Variants in DLGAP1 observed in about 807,000 individuals in gnomAD.
The protein encoded by DLGAP1 is DLG associated protein 1.
Under a neutral mutation model 90.8 loss-of-function variants are expected in DLGAP1, and 11 were observed. The ratio of observed to expected loss-of-function variants is 0.12; its 90% CI spans 0.08 to 0.20. The LOEUF (loss-of-function observed/expected upper bound fraction) is 0.20, where lower values mean the gene tolerates loss of function less well. Ranked by LOEUF, DLGAP1 falls within the 10% of genes least tolerant of loss-of-function variation. DLGAP1 has a pLI of 1.00. For missense variants in DLGAP1, 1,050 were observed against 1,333.8 expected (o/e 0.79, Z 3.31); for synonymous variants, 558 against 540.7 (o/e 1.03, Z -0.44).
At chr18:3,700,608 T>TTA (rs1567982134) in intron 7 of DLGAP1, among the ~76,000 whole-genome samples, 1 of 152,140 alleles carries the variant, frequency 6.6e-6, no homozygotes, top group African/African-American at 2.4e-5. Context: ...TTTATTTTTT[T>TTA]AAAATTTTAA....
intron 1 of DLGAP1, among the ~76,000 whole-genome samples, chr18:4,223,081 C>A (rs1263325012): frequency 6.6e-6 from 1 of 152,014 alleles, no homozygotes; most frequent in Non-Finnish European, 1.5e-5. Flanking sequence ...CATAGCAAGA[C>A]CCCTGTCTCT....
At chr18:4,422,117 T>C (rs1353737790) in intron 1 of DLGAP1, among the ~76,000 whole-genome samples, 1 of 152,036 alleles carries the variant, frequency 6.6e-6, no homozygotes, top group Non-Finnish European at 1.5e-5. Flanking sequence ...TCTTTTTTAT[T>C]TGAAAAGAAA....
chr18:3,990,232 C>A (rs1194246911), intron 3 of DLGAP1, among the ~76,000 whole-genome samples: 2 of 151,556 alleles, frequency 1.3e-5, no homozygotes, highest in Non-Finnish European at 3.0e-5. Context: ...TGGAACCAAC[C>A]CAAATGTCCA....
intron 2 of DLGAP1, among the ~76,000 whole-genome samples, chr18:4,029,765 C>T (rs1204975408): frequency 6.6e-6 from 1 of 152,138 alleles, no homozygotes; most frequent in Non-Finnish European, 1.5e-5. Context: ...AGGTTCTTCC[C>T]TTAAATTCAA....
intron 1 of DLGAP1, among the ~76,000 whole-genome samples, chr18:4,344,343 G>C (rs1429826001): frequency 6.6e-6 from 1 of 152,120 alleles, no homozygotes; most frequent in Admixed American, 6.5e-5. Flanking sequence ...CGCGATGCTA[G>C]AAAGTGGCAG....
intron 3 of DLGAP1, among the ~76,000 whole-genome samples, chr18:3,965,923 C>T (rs148708320): frequency 1.2e-4 from 15 of 121,048 alleles, no homozygotes; most frequent in African/African-American, 4.1e-4. Context: ...ACTGGGCGAC[C>T]GGGTAAGACT....
intron 5 of DLGAP1, among the ~76,000 whole-genome samples, chr18:3,761,840 C>T (rs747477530): frequency 3.3e-5 from 5 of 152,200 alleles, no homozygotes; most frequent in African/African-American, 4.8e-5. Context: ...TCCCAAAGTG[C>T]TAGGATTACA....
intron 3 of DLGAP1, among the ~76,000 whole-genome samples, chr18:3,890,086 C>T (rs936745068): frequency 7.9e-5 from 12 of 152,222 alleles, no homozygotes; most frequent in African/African-American, 2.9e-4. Context: ...AGGGGACCCT[C>T]CTGCCCAGTG....
chr18:4,335,353 GA>G (rs2081047577), intron 1 of DLGAP1, among the ~76,000 whole-genome samples: 1 of 151,924 alleles, frequency 6.6e-6, no homozygotes, highest in Non-Finnish European at 1.5e-5. Context: ...CTACACGAGA[GA>G]AAAGACAAGG....
chr18:3,723,023 T>G (rs937979340), intron 7 of DLGAP1, among the ~76,000 whole-genome samples: 2 of 152,222 alleles, frequency 1.3e-5, no homozygotes, highest in Non-Finnish European at 2.9e-5. Context: ...ACTTTGGGCC[T>G]TAGTTTCCTT....
chr18:3,696,658 C>CT (rs1555632115), intron 7 of DLGAP1, among the ~76,000 whole-genome samples: 1 of 152,038 alleles, frequency 6.6e-6, no homozygotes, highest in Non-Finnish European at 1.5e-5. Flanking sequence ...CTGAAATTTT[C>CT]TTTTTTTGTT....
At chr18:3,815,901 AAC>A (rs1451923341) in intron 4 of DLGAP1, among the ~76,000 whole-genome samples, 4 of 152,212 alleles carry the variant, frequency 2.6e-5, no homozygotes, top group African/African-American at 9.6e-5. Context: ...ACATATTTAT[AAC>A]AGAGACGAGA....
At position 4,348,322 on chromosome 18, in the gene DLGAP1, C is replaced by T. The variant is rs561042310; in HGVS notation, c.-267+106684G>A. Among the ~76,000 whole-genome samples, 7 of 151,164 alleles carry T rather than the reference C, an allele frequency of 4.6e-5. No homozygotes were observed. The South Asian group carries it at 8.3e-4, about 18-fold the overall frequency. On this transcript the variant is annotated intron_variant, in intron 1 of 12. Transcript: ENST00000315677. ...TTCTCAATGTTAAAAAGAGGAGTTA[C>T]AAGTAATGGAAGGGATTTGGCTAGA...
chr18:3,714,638 GGTT>G (rs1231742108), intron 7 of DLGAP1, among the ~76,000 whole-genome samples: 6 of 125,794 alleles, frequency 4.8e-5, no homozygotes, highest in African/African-American at 1.6e-4. Flanking sequence ...CTGATTACGT[GGTT>G]TTTTTTTTTT....
chr18:4,278,212 T>C (rs1014173102), intron 1 of DLGAP1, among the ~76,000 whole-genome samples: 15 of 152,190 alleles, frequency 9.9e-5, no homozygotes, highest in African/African-American at 3.4e-4. Flanking sequence ...AGTACTTCTT[T>C]TCTCAGAGTG....
chr18:3,824,491 A>C (rs1468211940), intron 4 of DLGAP1, among the ~76,000 whole-genome samples: 2 of 152,238 alleles, frequency 1.3e-5, no homozygotes, highest in Non-Finnish European at 2.9e-5. Context: ...CAAATAGTAT[A>C]GCTAGAGTCT....
At chr18:3,955,320 C>T (rs915015839) in intron 3 of DLGAP1, among the ~76,000 whole-genome samples, 1 of 152,180 alleles carries the variant, frequency 6.6e-6, no homozygotes, top group African/African-American at 2.4e-5. Context: ...AGGGACTTAA[C>T]TGTATCAGAA....
At chr18:4,324,385 AC>A (rs770529306) in intron 1 of DLGAP1, among the ~76,000 whole-genome samples, 1 of 151,656 alleles carries the variant, frequency 6.6e-6, no homozygotes, top group Non-Finnish European at 1.5e-5. Flanking sequence ...AAGCCTACCA[AC>A]CAAAAAAAAG....
At chr18:4,186,942 C>T (rs2077306517) in intron 1 of DLGAP1, among the ~76,000 whole-genome samples, 1 of 152,044 alleles carries the variant, frequency 6.6e-6, no homozygotes, top group Non-Finnish European at 1.5e-5. Context: ...ATTTCTTTCA[C>T]CAGTGTCTTG....
Sources: gnomAD v4.1 joint callset for allele counts (sites outside exome capture counted in the v4.1 genomes callset) on GRCh38, gnomAD v4.1.1 for gene constraint, MANE v1.5 for transcripts, NCBI Gene and HGNC (gene_info 2026-07-23, HGNC 2026-07-21) for gene names.